Variants in LARS2 observed in about 807,000 individuals in gnomAD.
LARS2 encodes leucine--tRNA ligase, mitochondrial.
LARS2 carries 81 observed loss-of-function variants against 116.6 expected under a neutral mutation model. The observed-to-expected ratio is 0.69, with a 90% CI of 0.58 to 0.84. The LOEUF (loss-of-function observed/expected upper bound fraction) is 0.84. LARS2 is among the 40% of genes least tolerant of loss of function. LARS2 has a pLI of 0.00. For missense variants in LARS2, 968 were observed against 1,114.5 expected (o/e 0.87, Z 1.87); for synonymous variants, 396 against 407.2 (o/e 0.97, Z 0.33).
At chr3:45,527,390 C>T (rs1559497990) in intron 20 of LARS2, among the ~76,000 whole-genome samples, 3 of 152,136 alleles carry the variant, frequency 2.0e-5, no homozygotes, top group South Asian at 2.1e-4. Flanking sequence ...TTTGGGAGGC[C>T]GAGGCAGGTG....
intron 4 of LARS2, among the ~76,000 whole-genome samples, chr3:45,416,256 G>GA (rs1307255256): frequency 7.0e-4 from 99 of 141,044 alleles, no homozygotes; most frequent in Middle Eastern, 3.6e-3. Context: ...CATTGTCTTG[G>GA]AAAAAAAAAA....
intron 18 of LARS2, among the ~76,000 whole-genome samples, chr3:45,518,337 G>C (rs566319485): frequency 2.0e-5 from 3 of 152,260 alleles, no homozygotes; most frequent in Admixed American, 6.5e-5. Flanking sequence ...TGTCCATCCT[G>C]GGTCTCAGGA....
intron 6 of LARS2, among the ~76,000 whole-genome samples, chr3:45,425,920 T>G (rs577336474): frequency 4.8e-5 from 7 of 147,252 alleles, no homozygotes; most frequent in African/African-American, 1.5e-4. Flanking sequence ...TTCTTTTCTT[T>G]TCTTTTTTTT....
intron 19 of LARS2, 90 bp downstream of exon 19, chr3:45,520,386 C>T: frequency 2.4e-6 from 2 of 850,204 alleles, no homozygotes; most frequent in Non-Finnish European, 4.0e-6. Context: ...GGACAGAGAG[C>T]ACCCCCACTG....
At chr3:45,505,036 G>A (rs146747062) in intron 15 of LARS2, among the ~76,000 whole-genome samples, 3,252 of 151,414 alleles carry the variant, frequency 0.021, 113 homozygotes, top group African/African-American at 0.07. Context: ...AGCCAAGATC[G>A]TGCCACTGCA....
chr3:45,417,615 C>A lies in LARS2; in HGVS notation c.455+42C>A, dbSNP rs555006405. ...ATATTCAAATACTTGCATACAAAAA[C>A]CTTTAAAAAATTTTTTTAACCTGTG... On this transcript the variant is annotated intron_variant, in intron 5 of 21. Transcript: ENST00000645846. 5.3e-6 allele frequency: 8 copies of A among 1,500,852 alleles called. No individual in the cohort carries two copies. The Admixed American group carries it at 8.8e-5, about 16-fold the overall frequency. The allele number at this position is 1,500,852 out of a possible 1,614,324, so 93.0% of individuals were successfully genotyped here. A position where few individuals can be genotyped will look rare whatever the true frequency, so the allele number is the denominator to read the frequency against.
chr3:45,488,276 T>C (rs925757379), intron 11 of LARS2, among the ~76,000 whole-genome samples: 1 of 151,982 alleles, frequency 6.6e-6, no homozygotes, highest in Non-Finnish European at 1.5e-5. Flanking sequence ...CTACTAAAAA[T>C]ACAAAAATTA....
At chr3:45,407,782 C>T (rs1001617700) in intron 4 of LARS2, among the ~76,000 whole-genome samples, 45 of 151,912 alleles carry the variant, frequency 3.0e-4, no homozygotes, top group African/African-American at 9.4e-4. Flanking sequence ...GCTGGTAATC[C>T]CTAGAGAACT....
intron 7 of LARS2, among the ~76,000 whole-genome samples, chr3:45,454,398 AT>A (rs1437274683): frequency 1.3e-5 from 2 of 151,808 alleles, no homozygotes; most frequent in East Asian, 3.9e-4. Flanking sequence ...AAGCAAAAAA[AT>A]ATTAGTCCTA....
intron 14 of LARS2, among the ~76,000 whole-genome samples, chr3:45,499,496 T>C (rs941069362): frequency 6.6e-6 from 1 of 151,526 alleles, no homozygotes; most frequent in African/African-American, 2.4e-5. Flanking sequence ...GTGGTGTGTG[T>C]CTGTAGTCCT....
intron 6 of LARS2, 93 bp from the exon 7 acceptor site, chr3:45,446,798 A>G (rs1483038181): frequency 5.9e-6 from 4 of 680,032 alleles, no homozygotes; most frequent in Non-Finnish European, 1.0e-5. Context: ...TTGTGATTTC[A>G]TTACTTTTCA....
intron 20 of LARS2, among the ~76,000 whole-genome samples, chr3:45,532,061 TTTC>T (rs1335511790): frequency 2.0e-5 from 3 of 152,272 alleles, no homozygotes; most frequent in Non-Finnish European, 4.4e-5. Flanking sequence ...ATAAGGATGT[TTTC>T]TTCTTCTAAT....
intron 6 of LARS2, among the ~76,000 whole-genome samples, chr3:45,443,292 T>C (rs532228532): frequency 1.3e-5 from 2 of 152,228 alleles, no homozygotes; most frequent in Non-Finnish European, 2.9e-5. Flanking sequence ...ATAAAAGCTT[T>C]TCAGCAGTTT....
At chr3:45,407,830 T>A (rs988986416) in intron 4 of LARS2, among the ~76,000 whole-genome samples, 12 of 152,172 alleles carry the variant, frequency 7.9e-5, no homozygotes, top group Admixed American at 2.6e-4. Context: ...GCTGCTTCCC[T>A]CTCTACTGGG....
At chr3:45,411,035 A>T (rs1464470230) in intron 4 of LARS2, among the ~76,000 whole-genome samples, 1 of 152,234 alleles carries the variant, frequency 6.6e-6, no homozygotes, top group Non-Finnish European at 1.5e-5. Flanking sequence ...TAGAATAGAT[A>T]TACTCAGGGA....
rs937823377 is a variant in LARS2 at position 45,436,725 on chromosome 3, C to G, written c.517-10166C>G. On this transcript the variant is annotated intron_variant, in intron 6 of 21. Transcript: ENST00000645846. ...AAGAGAATGGCGTGAACCCGGGAAG[C>G]GGAGCTTGCAGTGAGCCGAGATTGC... Among the ~76,000 whole-genome samples, 3 of 145,986 alleles carry G rather than the reference C, an allele frequency of 2.1e-5. No individual in the cohort carries two copies. The Admixed American group carries it at 2.1e-4, about 10-fold the overall frequency.
chr3:45,485,932 C>T (rs1329346673), intron 11 of LARS2, 136 bp downstream of exon 11: 7 of 549,092 alleles, frequency 1.3e-5, no homozygotes, highest in Non-Finnish European at 2.0e-5. Context: ...AAATGAATAA[C>T]CCTTCATTTA....
At chr3:45,516,386 G>C in intron 17 of LARS2, 110 bp downstream of exon 17, 1 of 1,092,938 alleles carries the variant, frequency 9.1e-7, no homozygotes, top group Non-Finnish European at 1.3e-6. Context: ...AGAATTCTAG[G>C]AATCAGTTCC....
At chr3:45,494,329 T>C (rs114596912) in intron 13 of LARS2, among the ~76,000 whole-genome samples, 98 of 152,336 alleles carry the variant, frequency 6.4e-4, no homozygotes, top group African/African-American at 2.1e-3. Context: ...ACTTCACAAA[T>C]GGAAGACAGA....
Sources: allele counts gnomAD v4.1 joint callset (sites outside exome capture counted in the v4.1 genomes callset), GRCh38; gene constraint gnomAD v4.1.1; transcripts MANE v1.5; gene names NCBI Gene and HGNC (gene_info 2026-07-23, HGNC 2026-07-21).